Variants in LPL observed in about 807,000 individuals in gnomAD.
LPL encodes the protein phospholipase A1.
Under a neutral mutation model 52.2 loss-of-function variants are expected in LPL, and 43 were observed. The observed-to-expected ratio is 0.82, with a 90% CI of 0.64 to 1.06. The LOEUF is 1.06. Ranked by LOEUF, LPL falls within the 50% of genes least tolerant of loss-of-function variation. The pLI, the probability that LPL is intolerant of heterozygous loss-of-function variation, is 0.00. For synonymous variants in LPL, 244 were observed against 215.6 expected (o/e 1.13, Z -1.15); for missense variants, 639 against 585.3 (o/e 1.09, Z -0.95).
rs140417759 is a variant in LPL at position 19,955,797 on chromosome 8, G to C, written c.776-44G>C. The C allele has an allele frequency of 2.8e-4, 446 of 1,613,768 alleles. No individual in the cohort carries two copies. The African/African-American group carries it at 4.9e-3, about 18-fold the overall frequency. On this transcript the variant is annotated intron_variant, in intron 5 of 9. Coordinates refer to ENST00000650287, the MANE Select transcript of LPL (RefSeq NM_000237.3). ...ACATGCCAAATGAAACACTCTTTGT[G>C]AATTTCTGCCGAGATACAATCTTGG...
At position 19,960,036 on chromosome 8, in the gene LPL, G is replaced by A. The variant is rs1390701304; in HGVS notation, c.1139+656G>A. Reference sequence around the variant, plus strand: ...ATTCCTGATCTCAGGTGATCCACCCGCCTCGGCCTCCCAAAGTGCTGGGAT... The same window carrying A: ...ATTCCTGATCTCAGGTGATCCACCCACCTCGGCCTCCCAAAGTGCTGGGAT... On this transcript the variant is annotated intron_variant, in intron 7 of 9. Coordinates refer to ENST00000650287, the MANE Select transcript of LPL (RefSeq NM_000237.3). 2.6e-5 allele frequency among the ~76,000 whole-genome samples: 4 copies of A among 151,790 alleles called. No homozygotes were observed. In the East Asian group the frequency reaches 5.8e-4, roughly 22 times the overall value.
At chr8:19,955,404 T>G (rs552355435) in intron 5 of LPL, among the ~76,000 whole-genome samples, 11 of 152,256 alleles carry the variant, frequency 7.2e-5, no homozygotes, top group African/African-American at 2.2e-4. Flanking sequence ...TGATGGGTTT[T>G]GGGGGTATTA....
intron 6 of LPL, among the ~76,000 whole-genome samples, chr8:19,958,564 T>C (rs1021972592): frequency 1.4e-5 from 2 of 140,934 alleles, no homozygotes; most frequent in African/African-American, 5.4e-5. Context: ...ATAAGTTCTT[T>C]TTTAAAAAAA....
chr8:19,940,070 A>G (rs1188310848), intron 1 of LPL, among the ~76,000 whole-genome samples: 1 of 152,132 alleles, frequency 6.6e-6, no homozygotes, highest in Admixed American at 6.5e-5. Context: ...CGCACGGGGT[A>G]CGCTCGCCCT....
intron 9 of LPL, 57 bp from the exon 10 acceptor site, chr8:19,965,253 G>T: frequency 1.3e-6 from 1 of 778,252 alleles, no homozygotes. Flanking sequence ...GGACAGGCGG[G>T]AATTGTAAAA....
Position 19,948,271 on chromosome 8 carries a change from A to G in LPL, c.180A>G (p.Val60=). The stretch of plus-strand genomic sequence containing the variant: ...ACACTTGCCACCTCATTCCCGGAGT[A>G]GCAGAGTCCGTGGCTACCTGTCATT... The part of the protein sequence containing the change: ...AEDTCHLIPG[V]AESVATCHFN... The change falls in exon 2 of 10, where the codon GTA becomes GTG. Residue 60 remains valine (V), a synonymous_variant. Transcript: ENST00000650287. 1.2e-6 allele frequency: 2 copies of G among 1,614,130 alleles called. No homozygotes were observed. The highest frequency in any genetic ancestry group is 1.7e-6 in the Non-Finnish European group (2 of 1,179,998).
chr8:19,941,255 G>C (rs183491987), intron 1 of LPL, among the ~76,000 whole-genome samples: 1 of 152,148 alleles, frequency 6.6e-6, no homozygotes, highest in East Asian at 1.9e-4. Flanking sequence ...GTTTCCCTTC[G>C]TACTGCTTAA....
At chr8:19,963,349 T>C (rs1421253413) in intron 9 of LPL, among the ~76,000 whole-genome samples, 3 of 151,816 alleles carry the variant, frequency 2.0e-5, no homozygotes, top group Admixed American at 6.6e-5. Flanking sequence ...GGCGGGAGAA[T>C]TGCTTGAACC....
intron 5 of LPL, among the ~76,000 whole-genome samples, chr8:19,955,561 T>G (rs888494267): frequency 6.6e-6 from 1 of 152,130 alleles, no homozygotes; most frequent in Admixed American, 6.6e-5. Context: ...AACCTCCACC[T>G]TGGAGGCTTA....
intron 1 of LPL, among the ~76,000 whole-genome samples, chr8:19,941,504 G>A (rs111722582): frequency 2.0e-4 from 31 of 152,326 alleles, no homozygotes; most frequent in Middle Eastern, 6.8e-3. Flanking sequence ...TGAGCCTGGT[G>A]TAACTCTTGC....
At chr8:19,961,992 A>C in intron 8 of LPL, 123 bp from the exon 9 acceptor site, 1 of 743,470 alleles carries the variant, frequency 1.3e-6, no homozygotes, top group Non-Finnish European at 2.4e-6. Context: ...AATTATTGGG[A>C]ATATCAAAAC....
At position 19,967,162 on chromosome 8, in the gene LPL, T is replaced by C. The variant is rs975838076; in HGVS notation, c.*1852T>C. 4.6e-5 allele frequency: 7 copies of C among 152,672 alleles called. No homozygotes were observed. Among genetic ancestry groups the C allele is most frequent in the Non-Finnish European group, 1.0e-4 (7 of 68,042 alleles). The allele number at this position is 152,672 out of a possible 1,614,324, so 9.5% of individuals were successfully genotyped here. ...TGGTCTCACAGAGCCAACTCACTCT[T>C]ATGAAATGGGCTTTAACAAAACAAG... is the stretch of plus-strand genomic sequence containing the variant. On this transcript the variant is annotated 3_prime_UTR_variant, in exon 10 of 10. Transcript: ENST00000650287.
At chr8:19,959,556 T>C (rs573548058) in intron 7 of LPL, among the ~76,000 whole-genome samples, 176 bp downstream of exon 7, 1 of 152,126 alleles carries the variant, frequency 6.6e-6, no homozygotes, top group Non-Finnish European at 1.5e-5. Flanking sequence ...ATGCTTCAAA[T>C]TGGCCATTTT....
At chr8:19,956,578 T>G (rs2069988054) in intron 6 of LPL, among the ~76,000 whole-genome samples, 1 of 152,108 alleles carries the variant, frequency 6.6e-6, no homozygotes, top group African/African-American at 2.4e-5. Context: ...TTAGTACCCA[T>G]TAGTTACTTT....
rs539552580 is a variant in LPL, at chr8:19,939,801, C to G, written c.88+273C>G. Among the ~76,000 whole-genome samples, 22 of 152,352 alleles carry G rather than the reference C, an allele frequency of 1.4e-4. No individual in the cohort carries two copies. The highest frequency in any genetic ancestry group is 5.3e-4 in the African/African-American group (22 of 41,594). ...ATCCCTTCCACTCTGGCTGGGACCGCGTTCCCGGGCTCGCAGGCTCCGCCG... is the reference window on the plus strand; with the variant it reads ...ATCCCTTCCACTCTGGCTGGGACCGGGTTCCCGGGCTCGCAGGCTCCGCCG... On this transcript the variant is annotated intron_variant, in intron 1 of 9. Coordinates refer to ENST00000650287, the MANE Select transcript of LPL (RefSeq NM_000237.3). This position sits in a 1 kb window ranked among gnomAD's most constrained non-coding sequence, Gnocchi z 4.0.
intron 6 of LPL, among the ~76,000 whole-genome samples, chr8:19,957,043 C>T (rs893884976): frequency 6.6e-5 from 10 of 152,090 alleles, no homozygotes; most frequent in Admixed American, 2.0e-4. Flanking sequence ...AGGCTGGTCT[C>T]GAACTGCTGA....
Position 19,959,314 on chromosome 8 carries a change from C to T in LPL, c.1073C>T (p.Thr358Ile). ...TCTGGGACTGAGAGTGAAACCCATA[C>T]CAATCAGGCCTTTGAGATTTCTCTG... Reference protein sequence around the residue: ...HFSGTESETHTNQAFEISLYG... With the variant: ...HFSGTESETHINQAFEISLYG... The change falls in exon 7 of 10, where the codon ACC (threonine) becomes ATC (isoleucine). Residue 358 changes from threonine (T) to isoleucine (I), a missense_variant. Coordinates refer to ENST00000650287, the MANE Select transcript of LPL (RefSeq NM_000237.3). The T allele has an allele frequency of 6.2e-7, 1 of 1,614,112 alleles. No homozygotes were observed.
At position 19,939,499 on chromosome 8, in the gene LPL, C is replaced by T. The variant is rs572477224; in HGVS notation, c.59C>T (p.Ala20Val). ...GCCGTGTGGCTCCAGAGTCTGACCG[C>T]CTCCCGCGGAGGGGTGGCCGCCGCC... is the stretch of plus-strand genomic sequence containing the variant. ...TLAVWLQSLT[A>V]SRGGVAAADQ... Residue 20 changes from alanine (A) to valine (V), a missense_variant, in exon 1 of 10, where the codon GCC (alanine) becomes GTC (valine). Transcript: ENST00000650287. This position sits in a 1 kb window ranked among gnomAD's most constrained non-coding sequence, Gnocchi z 4.0. 1.6e-4 allele frequency: 258 copies of T among 1,610,446 alleles called. 4 individuals carry two copies. The South Asian group carries it at 2.7e-3, about 17-fold the overall frequency.
chr8:19,948,121 C>A (rs1185450531), intron 1 of LPL, 59 bp from the exon 2 acceptor site: 2 of 1,549,658 alleles, frequency 1.3e-6, no homozygotes, highest in Non-Finnish European at 1.8e-6. Context: ...ACATATCATT[C>A]CAATGAATAA....
Sources: allele counts gnomAD v4.1 joint callset (sites outside exome capture counted in the v4.1 genomes callset), GRCh38; gene constraint gnomAD v4.1.1; non-coding constraint Gnocchi (gnomAD v3.1); transcripts MANE v1.5; gene names NCBI Gene and HGNC (gene_info 2026-07-23, HGNC 2026-07-21).